SLCO4C1: variants seen among roughly 807,000 people sequenced by gnomAD.
SLCO4C1 encodes the protein solute carrier organic anion transporter family member 4C1.
Under a neutral mutation model 72.1 loss-of-function variants are expected in SLCO4C1, and 58 were observed. That is an observed-to-expected ratio of 0.80 (90% CI 0.65 to 1.00). SLCO4C1 has a LOEUF of 1.00. Ranked by LOEUF, SLCO4C1 falls within the 50% of genes least tolerant of loss-of-function variation. The probability of loss-of-function intolerance (pLI) is 0.00; values close to 1 mark genes in which losing one functional copy is unlikely to be tolerated. For synonymous variants in SLCO4C1, 297 were observed against 312.5 expected, an observed-to-expected ratio of 0.95 and a Z score of 0.52; for missense variants, 898 against 857.9, an observed-to-expected ratio of 1.05 and a Z score of -0.58.
At chr5:102,251,441 G>T (rs937557471) in intron 8 of SLCO4C1, among the ~76,000 whole-genome samples, 1 of 152,120 alleles carries the variant, frequency 6.6e-6, no homozygotes, top group African/African-American at 2.4e-5. Flanking sequence ...TGATGGATTG[G>T]TTGAAGATGA....
At chr5:102,252,286 A>G (rs1412063440) in intron 8 of SLCO4C1, among the ~76,000 whole-genome samples, 1 of 152,176 alleles carries the variant, frequency 6.6e-6, no homozygotes, top group Non-Finnish European at 1.5e-5. Flanking sequence ...TGACATACAA[A>G]GTAGGCGGAG....
chr5:102,246,814 C>G (rs1032936408), intron 10 of SLCO4C1, among the ~76,000 whole-genome samples: 19 of 152,084 alleles, frequency 1.2e-4, no homozygotes, highest in Non-Finnish European at 2.8e-4. Context: ...ACATAAAACA[C>G]AGGTGAACAA....
intron 8 of SLCO4C1, among the ~76,000 whole-genome samples, chr5:102,256,529 A>C (rs1748837224): frequency 6.6e-6 from 1 of 152,228 alleles, no homozygotes; most frequent in South Asian, 2.1e-4. Context: ...CTTATGGCTT[A>C]AAATTTCAAA....
intron 2 of SLCO4C1, among the ~76,000 whole-genome samples, chr5:102,277,946 T>C (rs544084482): frequency 2.0e-5 from 3 of 151,870 alleles, no homozygotes; most frequent in South Asian, 4.2e-4. Flanking sequence ...AAGCAGATAA[T>C]AGAGAAACAA....
chr5:102,259,893 C>A (rs1020462064), intron 6 of SLCO4C1, among the ~76,000 whole-genome samples: 3 of 151,970 alleles, frequency 2.0e-5, no homozygotes, highest in African/African-American at 7.2e-5. Flanking sequence ...TTCTACCCTG[C>A]AATAGTTTTC....
intron 1 of SLCO4C1, among the ~76,000 whole-genome samples, chr5:102,295,138 C>G (rs551455290): frequency 6.6e-6 from 1 of 152,252 alleles, no homozygotes; most frequent in East Asian, 1.9e-4. Flanking sequence ...TTCCCTGTGC[C>G]TTCTTTCAAG....
rs186231763 is a variant in SLCO4C1, at chr5:102,258,584, A to C, written c.1129-497T>G. Among the ~76,000 whole-genome samples the C allele has an allele frequency of 1.9e-4, 29 of 152,336 alleles. 1 individual carries two copies. The highest frequency in any genetic ancestry group is 3.5e-4 in the Non-Finnish European group (24 of 68,016). On this transcript the variant is annotated intron_variant, in intron 6 of 12. Coordinates refer to ENST00000310954, the MANE Select transcript of SLCO4C1 (RefSeq NM_180991.5). The stretch of plus-strand genomic sequence containing the variant: ...AGCACTTTAGAAACACAGTTAAGCA[A>C]CTTTAAATAGGTGTCTATATGGCTA...
At position 102,289,089 on chromosome 5, in the gene SLCO4C1, T is replaced by G. The variant is rs115480158; in HGVS notation, c.619+2254A>C. On this transcript the variant is annotated intron_variant, in intron 2 of 12. Coordinates refer to ENST00000310954, the MANE Select transcript of SLCO4C1 (RefSeq NM_180991.5). ...TGCCACATTTAAGCTATTATTTAAA[T>G]TATGAGTCAATTTACAGTAAAAATC... Among the ~76,000 whole-genome samples, 1,228 of 152,304 alleles carry G rather than the reference T, an allele frequency of 8.1e-3. 12 individuals are homozygous for G. The highest frequency in any genetic ancestry group is 0.015 in the Non-Finnish European group (997 of 68,026).
At chr5:102,282,459 C>T (rs980576451) in intron 2 of SLCO4C1, among the ~76,000 whole-genome samples, 3 of 151,798 alleles carry the variant, frequency 2.0e-5, no homozygotes, top group African/African-American at 7.2e-5. Flanking sequence ...AAATTGTCTG[C>T]ATGACCCATA....
intron 8 of SLCO4C1, among the ~76,000 whole-genome samples, chr5:102,254,167 C>T (rs922339656): frequency 2.6e-5 from 4 of 152,254 alleles, no homozygotes; most frequent in Admixed American, 6.5e-5. Flanking sequence ...GTCTCTCACT[C>T]CCTGAAAAGG....
At chr5:102,271,240 A>C (rs554509803) in intron 2 of SLCO4C1, among the ~76,000 whole-genome samples, 3 of 151,974 alleles carry the variant, frequency 2.0e-5, no homozygotes, top group Non-Finnish European at 4.4e-5. Flanking sequence ...AAATTTATTT[A>C]TTGTCACTGT....
At chr5:102,260,643 C>T (rs1308365618) in intron 5 of SLCO4C1, among the ~76,000 whole-genome samples, 5 of 151,924 alleles carry the variant, frequency 3.3e-5, no homozygotes, top group Admixed American at 1.3e-4. Flanking sequence ...GCTCCAATCA[C>T]ACATCTATGC....
chr5:102,258,267 A>T (rs1459093507), intron 6 of SLCO4C1, among the ~76,000 whole-genome samples, 180 bp from the exon 7 acceptor site: 1 of 152,186 alleles, frequency 6.6e-6, no homozygotes, highest in African/African-American at 2.4e-5. Context: ...CATGATGAGA[A>T]AATTTATATG....
chr5:102,272,028 A>G (rs1257244585), intron 2 of SLCO4C1, among the ~76,000 whole-genome samples: 1 of 152,148 alleles, frequency 6.6e-6, no homozygotes. Context: ...ATATAATCAG[A>G]CAATTAGCTA....
Position 102,259,324 on chromosome 5 carries a change from A to G in SLCO4C1, c.1128+889T>C, listed in dbSNP as rs578215598. Among the ~76,000 whole-genome samples the G allele has an allele frequency of 5.9e-5, 9 of 152,160 alleles. No homozygotes were observed. In the South Asian group the frequency reaches 1.7e-3, roughly 28 times the overall value. ...AAGTAATGGTCAGTAATGACTCTAT[A>G]TGGTAATGTAAATTAAAATTTATAA... On this transcript the variant is annotated intron_variant, in intron 6 of 12. Coordinates refer to ENST00000310954, the MANE Select transcript of SLCO4C1 (RefSeq NM_180991.5).
chr5:102,281,872 A>G (rs1285907759), intron 2 of SLCO4C1, among the ~76,000 whole-genome samples: 1 of 152,076 alleles, frequency 6.6e-6, no homozygotes, highest in African/African-American at 2.4e-5. Flanking sequence ...TAAACATAGA[A>G]TTTTCATATG....
chr5:102,293,338 G>GA (rs963097282), intron 1 of SLCO4C1, among the ~76,000 whole-genome samples: 6 of 150,790 alleles, frequency 4.0e-5, no homozygotes, highest in African/African-American at 1.2e-4. Flanking sequence ...ACTTCTCTTT[G>GA]AAAAAAAAAT....
Position 102,234,935 on chromosome 5 carries a change from A to C in SLCO4C1, c.*1923T>G, listed in dbSNP as rs187259873. ...TTGCCCTATTTCTTTGGTTGCTATAAATTTCCTGCTTCTCAAATATCTGGA... is the reference window on the plus strand; with the variant it reads ...TTGCCCTATTTCTTTGGTTGCTATACATTTCCTGCTTCTCAAATATCTGGA... On this transcript the variant is annotated 3_prime_UTR_variant, in exon 13 of 13. Transcript: ENST00000310954. 1 of 152,244 alleles carries C rather than the reference A, an allele frequency of 6.6e-6. No individual in the cohort carries two copies. Among genetic ancestry groups the C allele is most frequent in the African/African-American group, 2.4e-5 (1 of 41,534 alleles). The allele number at this position is 152,244 out of a possible 1,614,324, so 9.4% of individuals were successfully genotyped here.
At chr5:102,237,168 G>C in intron 12 of SLCO4C1, 150 bp from the exon 13 acceptor site, 1 of 806,002 alleles carries the variant, frequency 1.2e-6, no homozygotes, top group Non-Finnish European at 1.8e-6. Flanking sequence ...AAACATTAAG[G>C]GGAAAGAAAA....
Sources: gnomAD v4.1 joint callset for allele counts (sites outside exome capture counted in the v4.1 genomes callset) on GRCh38, gnomAD v4.1.1 for gene constraint, MANE v1.5 for transcripts, NCBI Gene and HGNC (gene_info 2026-07-23, HGNC 2026-07-21) for gene names.